Variants in PPFIA2 observed in about 807,000 individuals in gnomAD.
The protein encoded by PPFIA2 is PPFI scaffold protein A2.
Under a neutral mutation model 175.5 loss-of-function variants are expected in PPFIA2, and 46 were observed. The ratio of observed to expected loss-of-function variants is 0.26; its 90% CI spans 0.21 to 0.34. PPFIA2 has a LOEUF of 0.34. PPFIA2 is among the 10% of genes least tolerant of loss of function. The pLI is 1.00. For synonymous variants in PPFIA2, 568 were observed against 511.4 expected (o/e 1.11, Z -1.49); for missense variants, 1,179 against 1,506.1 (o/e 0.78, Z 3.60).
chr12:81,281,921 T>C (rs2042169849), intron 26 of PPFIA2, among the ~76,000 whole-genome samples: 1 of 152,018 alleles, frequency 6.6e-6, no homozygotes, highest in South Asian at 2.1e-4. Context: ...GGAATAAATG[T>C]TTTGGAGAGA....
chr12:81,756,435 T>C (rs2084676094), intron 2 of PPFIA2, among the ~76,000 whole-genome samples: 1 of 152,078 alleles, frequency 6.6e-6, no homozygotes, highest in Non-Finnish European at 1.5e-5. Flanking sequence ...ATTGTTACCA[T>C]GGGATATAAA....
At chr12:81,637,673 A>G (rs749738881) in intron 4 of PPFIA2, among the ~76,000 whole-genome samples, 2 of 152,120 alleles carry the variant, frequency 1.3e-5, no homozygotes, top group African/African-American at 2.4e-5. Context: ...TCATCCATTT[A>G]TACTGAGTAT....
At chr12:81,639,987 T>C (rs1223015579) in intron 4 of PPFIA2, among the ~76,000 whole-genome samples, 1 of 152,188 alleles carries the variant, frequency 6.6e-6, no homozygotes, top group Admixed American at 6.5e-5. Context: ...TTATTATTTA[T>C]ACCTGCTAGT....
intron 4 of PPFIA2, among the ~76,000 whole-genome samples, chr12:81,634,552 T>C (rs1347695391): frequency 1.3e-5 from 2 of 152,124 alleles, no homozygotes; most frequent in East Asian, 3.9e-4. Context: ...GAATTTTGTG[T>C]GGTTAAAATC....
At chr12:81,267,836 C>A (rs1212583549) in intron 29 of PPFIA2, 76 bp downstream of exon 29, 4 of 1,371,482 alleles carry the variant, frequency 2.9e-6, no homozygotes, top group Admixed American at 4.9e-5. Flanking sequence ...GAATACACAG[C>A]CAATTTTTTT....
chr12:81,684,779 G>T (rs2074193407), intron 3 of PPFIA2, among the ~76,000 whole-genome samples: 1 of 151,988 alleles, frequency 6.6e-6, no homozygotes, highest in Admixed American at 6.6e-5. Context: ...TCACTAATGA[G>T]ACATCCTCCT....
Position 81,380,510 on chromosome 12 carries a change from C to T in PPFIA2, c.984+3513G>A, listed in dbSNP as rs149954602. ...TGCTAAGTAATTTGTTTTTTAAGTA[C>T]GTGATTTTCACATCTTCCTGCTTAT... On this transcript the variant is annotated intron_variant, in intron 9 of 32. Coordinates refer to ENST00000549396, the MANE Select transcript of PPFIA2 (RefSeq NM_003625.5). Among the ~76,000 whole-genome samples, 202 of 150,988 alleles carry T rather than the reference C, an allele frequency of 1.3e-3. 2 individuals are homozygous for T. The highest frequency in any genetic ancestry group is 1.9e-3 in the Non-Finnish European group (129 of 67,884).
At chr12:81,562,104 C>A (rs756438961) in intron 4 of PPFIA2, among the ~76,000 whole-genome samples, 1 of 152,008 alleles carries the variant, frequency 6.6e-6, no homozygotes, top group Non-Finnish European at 1.5e-5. Flanking sequence ...AAAAGATAGG[C>A]CTTTATGTTT....
At chr12:81,517,461 T>A (rs2062602007) in intron 4 of PPFIA2, among the ~76,000 whole-genome samples, 1 of 152,124 alleles carries the variant, frequency 6.6e-6, no homozygotes, top group African/African-American at 2.4e-5. Flanking sequence ...CTTCTCAAGA[T>A]CCTCAAAGTT....
intron 3 of PPFIA2, among the ~76,000 whole-genome samples, chr12:81,688,561 T>C (rs184821506): frequency 1.3e-5 from 2 of 151,668 alleles, no homozygotes; most frequent in African/African-American, 4.8e-5. Flanking sequence ...AATCAGGTTT[T>C]ATTTTCAACT....
chr12:81,650,295 C>T (rs2066841815), intron 4 of PPFIA2, among the ~76,000 whole-genome samples: 2 of 152,096 alleles, frequency 1.3e-5, no homozygotes, highest in African/African-American at 4.8e-5. Flanking sequence ...AGGCGTGAGC[C>T]ACCGAGCCCA....
At chr12:81,581,413 C>T (rs893306729) in intron 4 of PPFIA2, among the ~76,000 whole-genome samples, 3 of 151,742 alleles carry the variant, frequency 2.0e-5, no homozygotes, top group African/African-American at 7.3e-5. Flanking sequence ...TCAGTGCATT[C>T]TAGTACAGAG....
rs75674377 is a variant in PPFIA2, at chr12:81,650,525, C to A, written c.303+26266G>T. ...AAATCTACCATGTATAGACTTATAT[C>A]CTATAGGAAATAAGAGAAAGAGAAT... On this transcript the variant is annotated intron_variant, in intron 4 of 32. Coordinates refer to ENST00000549396, the MANE Select transcript of PPFIA2 (RefSeq NM_003625.5). 4.7e-4 allele frequency among the ~76,000 whole-genome samples: 71 copies of A among 151,962 alleles called. 1 individual carries two copies. In the East Asian group the frequency reaches 0.012, roughly 26 times the overall value.
At position 81,299,393 on chromosome 12, in the gene PPFIA2, T is replaced by C. The variant is rs566776621; in HGVS notation, c.2643-11A>G. Reference sequence around the variant, plus strand: ...TCAAGAAGTTCATGCCTGAAGTATATAGCAAAGATTATTAGGCAGGTATAT... The same window carrying C: ...TCAAGAAGTTCATGCCTGAAGTATACAGCAAAGATTATTAGGCAGGTATAT... On this transcript the variant is annotated splice_polypyrimidine_tract_variant and intron_variant, in intron 22 of 32. Transcript: ENST00000549396. 4 of 1,569,970 alleles carry C rather than the reference T, an allele frequency of 2.5e-6. No individual in the cohort carries two copies. Among genetic ancestry groups the C allele is most frequent in the Non-Finnish European group, 3.5e-6 (4 of 1,156,050 alleles).
At chr12:81,435,571 GGAGAGAGAGAAAGAGAGA>G (rs2048830162) in intron 7 of PPFIA2, among the ~76,000 whole-genome samples, 1 of 151,890 alleles carries the variant, frequency 6.6e-6, no homozygotes, top group African/African-American at 2.4e-5. Flanking sequence ...GGTGGGAGGA[GGAGAGAGAGAAAGAGAGA>G]GAGAGAGAGA....
chr12:81,606,558 C>A (rs1332092355), intron 4 of PPFIA2, among the ~76,000 whole-genome samples: 1 of 152,074 alleles, frequency 6.6e-6, no homozygotes, highest in Non-Finnish European at 1.5e-5. Context: ...ATTTGCAATT[C>A]TCTGATGCTT....
intron 4 of PPFIA2, among the ~76,000 whole-genome samples, chr12:81,573,195 A>G (rs1463990294): frequency 6.6e-6 from 1 of 151,930 alleles, no homozygotes; most frequent in Non-Finnish European, 1.5e-5. Context: ...TACTTTCTAT[A>G]AGCTCTCAAC....
chr12:81,320,354 TG>T (rs2053397461), intron 22 of PPFIA2, among the ~76,000 whole-genome samples: 1 of 152,034 alleles, frequency 6.6e-6, no homozygotes, highest in Non-Finnish European at 1.5e-5. Context: ...TAAGTGTGAC[TG>T]CTTTGCTCCA....
chr12:81,531,854 G>C (rs1567210707), intron 4 of PPFIA2, among the ~76,000 whole-genome samples: 1 of 151,772 alleles, frequency 6.6e-6, no homozygotes, highest in African/African-American at 2.4e-5. Context: ...GTACTGGTAA[G>C]AAATAATGAG....
Sources: gnomAD v4.1 joint callset for allele counts (sites outside exome capture counted in the v4.1 genomes callset) on GRCh38, gnomAD v4.1.1 for gene constraint, MANE v1.5 for transcripts, NCBI Gene and HGNC (gene_info 2026-07-23, HGNC 2026-07-21) for gene names.